DISC1: variants seen among roughly 807,000 people sequenced by gnomAD.
The protein encoded by DISC1 is disrupted in schizophrenia 1 protein.
Under a neutral mutation model 84.5 loss-of-function variants are expected in DISC1, and 57 were observed. The observed-to-expected ratio is 0.67, with a 90% CI of 0.55 to 0.84. The LOEUF (loss-of-function observed/expected upper bound fraction) is 0.84. Ranked by LOEUF, DISC1 falls within the 40% of genes least tolerant of loss-of-function variation. The probability of loss-of-function intolerance (pLI) is 0.00; values close to 1 mark genes in which losing one functional copy is unlikely to be tolerated. For synonymous variants in DISC1, 411 were observed against 415.2 expected, an observed-to-expected ratio of 0.99 and a Z score of 0.12; for missense variants, 1,000 against 1,057.8, an observed-to-expected ratio of 0.95 and a Z score of 0.76.
At position 231,818,384 on chromosome 1, in the gene DISC1, A is replaced by G. The variant is rs768867791; in HGVS notation, c.1848A>G (p.Ser616=). ...CCGAGGAGATTAGATCATTAACATC[A>G]GAGAGAGAAGGGCTGGAGGGACTCC... is the stretch of plus-strand genomic sequence containing the variant. The part of the protein sequence containing the change: ...DLTEEIRSLT[S]EREGLEGLLS... Residue 616 remains serine, a synonymous_variant, in exon 9 of 13, where the codon TCA becomes TCG. Coordinates refer to ENST00000439617, the MANE Select transcript of DISC1 (RefSeq NM_018662.3). The G allele has an allele frequency of 6.8e-6, 11 of 1,613,936 alleles. No individual in the cohort carries two copies. The highest frequency in any genetic ancestry group is 6.6e-5 in the South Asian group (6 of 91,080).
intron 10 of DISC1, among the ~76,000 whole-genome samples, chr1:231,969,594 C>CTT (rs1242596568): frequency 8.6e-4 from 68 of 78,950 alleles, no homozygotes; most frequent in Non-Finnish European, 1.5e-3. Flanking sequence ...TTCTTTCTTT[C>CTT]TTTCTTTTTT....
rs1259787367 is a variant in DISC1 at position 231,694,232 on chromosome 1, C to T, written c.474C>T (p.Ala158=). The T allele has an allele frequency of 6.2e-7, 1 of 1,614,102 alleles. No homozygotes were observed. The highest frequency in any genetic ancestry group is 2.2e-5 in the East Asian group (1 of 44,900). The change falls in exon 2 of 13, where the codon GCC becomes GCT. Residue 158 remains alanine, a synonymous_variant. Coordinates refer to ENST00000439617, the MANE Select transcript of DISC1 (RefSeq NM_018662.3). ...TGGATAGTTCTGAGACCCTGGACGCCAGCTGGGAGGCAGCCTGCAGCGATG... is the reference window on the plus strand; with the variant it reads ...TGGATAGTTCTGAGACCCTGGACGCTAGCTGGGAGGCAGCCTGCAGCGATG... ...AAMDSSETLD[A]SWEAACSDGA...
intron 6 of DISC1, among the ~76,000 whole-genome samples, chr1:231,779,231 C>A (rs1289702889): frequency 6.6e-6 from 1 of 152,178 alleles, no homozygotes; most frequent in African/African-American, 2.4e-5. Context: ...CTGACTGACT[C>A]TCTGTTCCAC....
intron 1 of DISC1, among the ~76,000 whole-genome samples, chr1:231,689,632 A>G (rs1371843120): frequency 3.9e-5 from 6 of 152,178 alleles, no homozygotes; most frequent in Non-Finnish European, 8.8e-5. Context: ...GCTCCAGGAA[A>G]AAAACTGAGT....
intron 3 of DISC1, among the ~76,000 whole-genome samples, chr1:231,741,175 G>A (rs934201481): frequency 1.3e-5 from 2 of 152,202 alleles, no homozygotes; most frequent in African/African-American, 4.8e-5. Context: ...CAGTAGAAAT[G>A]GAGAAGATGT....
At chr1:231,641,592 G>T (rs1401894018) in intron 1 of DISC1, among the ~76,000 whole-genome samples, 3 of 152,210 alleles carry the variant, frequency 2.0e-5, no homozygotes. Flanking sequence ...GAGGGTTGCC[G>T]CTGCTGGCGC....
intron 1 of DISC1, among the ~76,000 whole-genome samples, chr1:231,637,204 T>C (rs1341073624): frequency 6.6e-6 from 1 of 152,224 alleles, no homozygotes; most frequent in African/African-American, 2.4e-5. Flanking sequence ...CGGTCTATCA[T>C]TGATGGGCAT....
chr1:232,000,912 C>G (rs1292925194), intron 10 of DISC1, among the ~76,000 whole-genome samples: 1 of 151,946 alleles, frequency 6.6e-6, no homozygotes, highest in African/African-American at 2.4e-5. Context: ...TTGTTGTTAG[C>G]AGATTAAAGA....
intron 9 of DISC1, among the ~76,000 whole-genome samples, chr1:231,837,110 C>A (rs568760523): frequency 3.3e-5 from 5 of 152,090 alleles, no homozygotes; most frequent in Non-Finnish European, 7.4e-5. Context: ...ATTTAGAGTA[C>A]ATTTTTTTCT....
intron 9 of DISC1, among the ~76,000 whole-genome samples, chr1:231,934,832 T>C (rs2126115503): frequency 6.6e-6 from 1 of 152,300 alleles, no homozygotes; most frequent in Middle Eastern, 3.4e-3. Flanking sequence ...ATCCCAGTCC[T>C]CCCCTCATTT....
chr1:231,999,950 G>A (rs1356373943), intron 10 of DISC1, among the ~76,000 whole-genome samples: 4 of 152,182 alleles, frequency 2.6e-5, no homozygotes, highest in African/African-American at 7.2e-5. Flanking sequence ...ATATAGAAAA[G>A]TAGGACGGGA....
intron 1 of DISC1, chr1:231,670,560 T>A (rs898472381): frequency 5.3e-5 from 8 of 152,240 alleles, no homozygotes; most frequent in African/African-American, 1.9e-4. Flanking sequence ...TATACAAATG[T>A]CAAATATTAG....
intron 9 of DISC1, among the ~76,000 whole-genome samples, chr1:231,938,031 C>G (rs2091089342): frequency 6.6e-6 from 1 of 152,052 alleles, no homozygotes. Flanking sequence ...GTCCTTCCTT[C>G]TCATCCGTCA....
At chr1:231,920,631 G>A (rs2089937426) in intron 9 of DISC1, among the ~76,000 whole-genome samples, 1 of 152,168 alleles carries the variant, frequency 6.6e-6, no homozygotes, top group South Asian at 2.1e-4. Flanking sequence ...ACATTCCACT[G>A]TGTGAATGAA....
intron 9 of DISC1, among the ~76,000 whole-genome samples, chr1:231,840,980 A>G (rs1450172094): frequency 6.6e-6 from 1 of 152,192 alleles, no homozygotes; most frequent in East Asian, 1.9e-4. Flanking sequence ...GTCTTATCTC[A>G]TTAATCCTCT....
At chr1:231,909,250 G>A (rs2088971421) in intron 9 of DISC1, among the ~76,000 whole-genome samples, 1 of 152,164 alleles carries the variant, frequency 6.6e-6, no homozygotes, top group South Asian at 2.1e-4. Flanking sequence ...CCTTGTGCCA[G>A]TTTTCAAAGG....
At chr1:231,917,777 A>G (rs1187273422) in intron 9 of DISC1, among the ~76,000 whole-genome samples, 6 of 152,358 alleles carry the variant, frequency 3.9e-5, no homozygotes, top group Non-Finnish European at 7.3e-5. Context: ...ACCTCTGGAC[A>G]TGGACTATAA....
intron 9 of DISC1, among the ~76,000 whole-genome samples, chr1:231,958,530 A>C (rs1214389963): frequency 6.6e-6 from 1 of 152,244 alleles, no homozygotes; most frequent in Admixed American, 6.5e-5. Context: ...GATAGAGCAC[A>C]TGTCATCCAG....
At chr1:231,658,530 C>A (rs147475230) in intron 1 of DISC1, among the ~76,000 whole-genome samples, 1 of 152,038 alleles carries the variant, frequency 6.6e-6, no homozygotes, top group Non-Finnish European at 1.5e-5. Context: ...ATAGGAGTGG[C>A]GAGAGAGGAC....
Sources: allele counts gnomAD v4.1 joint callset (sites outside exome capture counted in the v4.1 genomes callset), GRCh38; gene constraint gnomAD v4.1.1; transcripts MANE v1.5; gene names NCBI Gene and HGNC (gene_info 2026-07-23, HGNC 2026-07-21).